HHAT: variants seen among roughly 807,000 people sequenced by gnomAD.
The protein encoded by HHAT is protein-cysteine N-palmitoyltransferase HHAT.
A neutral mutation model predicts 70.8 loss-of-function variants in HHAT; 47 were observed. That is an observed-to-expected ratio of 0.66 (90% CI 0.53 to 0.85). The LOEUF (loss-of-function observed/expected upper bound fraction) is 0.85. HHAT is among the 40% of genes least tolerant of loss of function. The probability of loss-of-function intolerance (pLI) is 0.00; values close to 1 mark genes in which losing one functional copy is unlikely to be tolerated. For synonymous variants in HHAT, 228 were observed against 247.6 expected, an observed-to-expected ratio of 0.92 and a Z score of 0.74; for missense variants, 609 against 604.8, an observed-to-expected ratio of 1.01 and a Z score of -0.07.
chr1:210,630,712 A>G (rs1204114009), intron 11 of HHAT, among the ~76,000 whole-genome samples: 1 of 152,216 alleles, frequency 6.6e-6, no homozygotes, highest in African/African-American at 2.4e-5. Flanking sequence ...CATGCGACCC[A>G]GGACTCGCCA....
chr1:210,437,028 G>A (rs10863830), intron 7 of HHAT, among the ~76,000 whole-genome samples: 21,581 of 151,734 alleles, frequency 0.14, 1,724 homozygotes, highest in East Asian at 0.23. Context: ...TAGGTTAAGA[G>A]GTGTAATAGT....
intron 7 of HHAT, among the ~76,000 whole-genome samples, chr1:210,421,652 C>T (rs926413914): frequency 6.6e-6 from 1 of 152,086 alleles, no homozygotes; most frequent in Non-Finnish European, 1.5e-5. Context: ...ACCATGTTGG[C>T]CAGGCTGGTC....
chr1:210,495,414 A>C (rs1432955995), intron 8 of HHAT, among the ~76,000 whole-genome samples: 1 of 152,086 alleles, frequency 6.6e-6, no homozygotes, highest in Non-Finnish European at 1.5e-5. Context: ...TTAGTTCTTT[A>C]ACTTTAGGCG....
At chr1:210,615,837 G>C (rs923857077) in intron 10 of HHAT, among the ~76,000 whole-genome samples, 8 of 152,206 alleles carry the variant, frequency 5.3e-5, no homozygotes, top group Non-Finnish European at 1.0e-4. Flanking sequence ...TGAGGTGTCA[G>C]TCTGCCCCTA....
chr1:210,383,861 T>C (rs1358540607), intron 3 of HHAT, among the ~76,000 whole-genome samples: 3 of 152,346 alleles, frequency 2.0e-5, no homozygotes, highest in East Asian at 3.9e-4. Flanking sequence ...TGTTCATCAG[T>C]GACTGGGAAG....
intron 9 of HHAT, among the ~76,000 whole-genome samples, chr1:210,581,209 G>A (rs1659199378): frequency 1.3e-5 from 2 of 152,178 alleles, no homozygotes; most frequent in African/African-American, 4.8e-5. Context: ...TAAGTTCCTT[G>A]TAAATTCTGG....
At position 210,538,936 on chromosome 1, in the gene HHAT, G is replaced by T. The variant is rs142156615; in HGVS notation, c.1043+25748G>T. On this transcript the variant is annotated intron_variant, in intron 9 of 11. Transcript: ENST00000261458. ...TACCAAAAATACAAAAATTAGCCGA[G>T]TGAGGTGGTGGACTTCTGTAATCCC... Among the ~76,000 whole-genome samples, 679 of 152,260 alleles carry T rather than the reference G, an allele frequency of 4.5e-3. 3 individuals are homozygous for T. The highest frequency in any genetic ancestry group is 0.016 in the African/African-American group (656 of 41,554).
intron 1 of HHAT, among the ~76,000 whole-genome samples, chr1:210,338,742 C>A (rs571838610): frequency 1.3e-5 from 2 of 152,162 alleles, no homozygotes; most frequent in African/African-American, 4.8e-5. Flanking sequence ...TCCAGAGCCA[C>A]CCCTGAAACC....
intron 11 of HHAT, among the ~76,000 whole-genome samples, chr1:210,651,750 T>C (rs947024337): frequency 4.6e-5 from 7 of 152,150 alleles, no homozygotes; most frequent in Admixed American, 4.6e-4. Flanking sequence ...TTGCTCAGAA[T>C]TGAGATGCAA....
rs2092252062 is a variant in HHAT at position 210,404,680 on chromosome 1, G to A, written c.684+1G>A. The stretch of plus-strand genomic sequence containing the variant: ...CAGCTTCTCGGAGTTCATCAAACAG[G>A]TAGAGCCCGCTGGGGATGGGATTGG... On this transcript the variant is annotated splice_donor_variant, in intron 6 of 11. Transcript: ENST00000261458. LOFTEE classifies it high-confidence loss of function. 9 of 1,610,782 alleles carry A rather than the reference G, an allele frequency of 5.6e-6. No homozygotes were observed. Among genetic ancestry groups the A allele is most frequent in the Non-Finnish European group, 5.9e-6 (7 of 1,177,168 alleles).
intron 1 of HHAT, among the ~76,000 whole-genome samples, chr1:210,331,251 G>GC (rs1157071975): frequency 1.3e-5 from 2 of 152,018 alleles, no homozygotes; most frequent in Non-Finnish European, 2.9e-5. Flanking sequence ...GTCCCATCTG[G>GC]GGGGGTGTGT....
At chr1:210,610,951 C>T (rs1666452583) in intron 10 of HHAT, among the ~76,000 whole-genome samples, 1 of 152,128 alleles carries the variant, frequency 6.6e-6, no homozygotes, top group East Asian at 1.9e-4. Context: ...AGCCTGATGC[C>T]TCCAGACTTG....
chr1:210,523,198 C>T (rs1346889785), intron 9 of HHAT, among the ~76,000 whole-genome samples: 1 of 152,118 alleles, frequency 6.6e-6, no homozygotes, highest in East Asian at 1.9e-4. Flanking sequence ...AGTGGGTCTT[C>T]AGGCTACCTT....
intron 10 of HHAT, among the ~76,000 whole-genome samples, chr1:210,594,103 T>C (rs989866987): frequency 6.6e-6 from 1 of 152,228 alleles, no homozygotes; most frequent in Non-Finnish European, 1.5e-5. Context: ...TATGGGGTCC[T>C]GTTTTTTAAT....
intron 10 of HHAT, among the ~76,000 whole-genome samples, chr1:210,604,634 C>T (rs1020495721): frequency 7.9e-5 from 12 of 152,042 alleles, no homozygotes; most frequent in Admixed American, 2.6e-4. Flanking sequence ...ATACTGTTGT[C>T]TAACTAAAAA....
chr1:210,506,115 G>A (rs889616081), intron 8 of HHAT, among the ~76,000 whole-genome samples: 35 of 152,190 alleles, frequency 2.3e-4, no homozygotes, highest in African/African-American at 6.0e-4. Context: ...TGCTCTGTGA[G>A]TAAGCATATG....
chr1:210,493,672 A>G (rs1214834847), intron 8 of HHAT, among the ~76,000 whole-genome samples: 1 of 152,202 alleles, frequency 6.6e-6, no homozygotes, highest in East Asian at 1.9e-4. Context: ...AGTCTTGAGC[A>G]TATAGGTAGC....
intron 4 of HHAT, among the ~76,000 whole-genome samples, chr1:210,395,299 T>C (rs762817658): frequency 1.3e-5 from 2 of 152,218 alleles, no homozygotes; most frequent in Non-Finnish European, 2.9e-5. Context: ...TGGCACAGAA[T>C]GAGCTGAAGT....
chr1:210,533,438 A>G (rs1264964129), intron 9 of HHAT, among the ~76,000 whole-genome samples: 1 of 151,558 alleles, frequency 6.6e-6, no homozygotes, highest in African/African-American at 2.4e-5. Context: ...TGTCAACTCC[A>G]AGGGAAATGG....
Sources: gnomAD v4.1 joint callset for allele counts (sites outside exome capture counted in the v4.1 genomes callset) on GRCh38, gnomAD v4.1.1 for gene constraint, MANE v1.5 for transcripts, NCBI Gene and HGNC (gene_info 2026-07-23, HGNC 2026-07-21) for gene names.